The following ARHGEF3 variants were observed in gnomAD, a reference collection of about 807,000 sequenced individuals.
The protein encoded by ARHGEF3 is 59.8 kDA protein.
In ARHGEF3, 28 loss-of-function variants were observed where a neutral mutation model predicts 63.2. The ratio of observed to expected loss-of-function variants is 0.44; its 90% CI spans 0.33 to 0.61. The LOEUF (loss-of-function observed/expected upper bound fraction) is 0.61, where lower values mean the gene tolerates loss of function less well. Among genes scored for constraint, ARHGEF3 ranks in the 20% least tolerant of loss-of-function variants. The probability of loss-of-function intolerance (pLI) is 0.03; values close to 1 mark genes in which losing one functional copy is unlikely to be tolerated. For missense variants in ARHGEF3, 533 were observed against 659.3 expected (o/e 0.81, Z 2.10); for synonymous variants, 266 against 254.2 (o/e 1.05, Z -0.44).
At chr3:57,025,538 T>C (rs1287365146) in intron 2 of ARHGEF3, among the ~76,000 whole-genome samples, 1 of 151,862 alleles carries the variant, frequency 6.6e-6, no homozygotes. Context: ...ATGGTGGGAG[T>C]ATTTACAGAA....
chr3:56,865,780 C>T (rs1337173929), intron 4 of ARHGEF3, among the ~76,000 whole-genome samples: 1 of 152,120 alleles, frequency 6.6e-6, no homozygotes, highest in Non-Finnish European at 1.5e-5. Flanking sequence ...GCAGCACACT[C>T]TACAACCCAG....
intron 3 of ARHGEF3, among the ~76,000 whole-genome samples, chr3:56,926,441 C>T (rs1009595284): frequency 6.6e-6 from 1 of 152,170 alleles, no homozygotes; most frequent in African/African-American, 2.4e-5. Flanking sequence ...TGGCCATGGC[C>T]ATAGAATACA....
At chr3:56,740,054 C>T (rs1001984139) in intron 7 of ARHGEF3, among the ~76,000 whole-genome samples, 13 of 152,046 alleles carry the variant, frequency 8.6e-5, no homozygotes, top group Admixed American at 6.6e-5. Context: ...CACCTGCCAC[C>T]ACGCCCAGCT....
intron 1 of ARHGEF3, among the ~76,000 whole-genome samples, chr3:56,795,867 T>C (rs1414221662): frequency 1.3e-5 from 2 of 151,856 alleles, no homozygotes; most frequent in Non-Finnish European, 2.9e-5. Context: ...CTTGAACCCC[T>C]GACCTCGTGA....
chr3:56,951,532 T>C (rs1699812968), intron 3 of ARHGEF3, among the ~76,000 whole-genome samples: 1 of 152,016 alleles, frequency 6.6e-6, no homozygotes, highest in African/African-American at 2.4e-5. Flanking sequence ...TGTAACTCAC[T>C]TTATTGCCCT....
In ARHGEF3 at chr3:56,862,540, G is replaced by GCC. The variant is rs370383338; in HGVS notation, c.192+19750_192+19751dup. On this transcript the variant is annotated intron_variant, in intron 4 of 12. Transcript: ENST00000338458. ...TCTATGAGGCCAAGGCTGAATCTGG[G>GCC]CCCCCCTCCGCCTGGGAACCCCCAT... 5.4e-3 allele frequency among the ~76,000 whole-genome samples: 818 copies of GCC among 152,208 alleles called. 8 individuals are homozygous for GCC. The highest frequency in any genetic ancestry group is 0.019 in the African/African-American group (780 of 41,518).
intron 3 of ARHGEF3, among the ~76,000 whole-genome samples, chr3:56,754,368 T>C (rs1472038): frequency 0.66 from 99,806 of 152,174 alleles, 34,539 homozygotes; most frequent in East Asian, 0.95. Flanking sequence ...AGGGAAACAG[T>C]GGTCAGGCTT....
At chr3:56,939,629 G>A (rs1219675090) in intron 3 of ARHGEF3, among the ~76,000 whole-genome samples, 1 of 152,074 alleles carries the variant, frequency 6.6e-6, no homozygotes, top group Non-Finnish European at 1.5e-5. Context: ...TTTATGTCTT[G>A]CTGAATAGCT....
At chr3:56,751,518 TC>T in intron 4 of ARHGEF3, 122 bp from the exon 5 acceptor site, 1 of 773,004 alleles carries the variant, frequency 1.3e-6, no homozygotes, top group Non-Finnish European at 2.2e-6. Flanking sequence ...TAACAACTTC[TC>T]CCATAAAGCT....
chr3:56,860,062 AGATAGATC>A (rs2040020535), intron 4 of ARHGEF3, among the ~76,000 whole-genome samples: 1 of 152,046 alleles, frequency 6.6e-6, no homozygotes, highest in Admixed American at 6.6e-5. Context: ...ATAGATAGAT[AGATAGATC>A]GATAGATAGA....
chr3:56,995,680 T>G, intron 2 of ARHGEF3, among the ~76,000 whole-genome samples: 1 of 130,590 alleles, frequency 7.7e-6, no homozygotes, highest in South Asian at 2.3e-4. Context: ...AGAATTTTTT[T>G]TAACCTGGTC....
chr3:56,975,349 T>A (rs1278710100), intron 2 of ARHGEF3, among the ~76,000 whole-genome samples: 1 of 151,602 alleles, frequency 6.6e-6, no homozygotes, highest in African/African-American at 2.4e-5. Flanking sequence ...ACCCAGGAGG[T>A]GGAGGTTGCA....
intron 2 of ARHGEF3, among the ~76,000 whole-genome samples, chr3:56,756,049 C>A (rs1005556659): frequency 2.0e-5 from 3 of 152,228 alleles, no homozygotes; most frequent in Non-Finnish European, 4.4e-5. Context: ...TAAATACCAT[C>A]TTTGCAGCAC....
At position 57,000,459 on chromosome 3, in the gene ARHGEF3, G is replaced by A. The variant is rs568351081; in HGVS notation, c.62+34629C>T. 1.1e-4 allele frequency among the ~76,000 whole-genome samples: 16 copies of A among 151,918 alleles called. No individual in the cohort carries two copies. The East Asian group carries it at 3.1e-3, about 29-fold the overall frequency. ...TCTCCATGTCCTCCCTTTTGATGTG[G>A]TGTCAATCACCCCCATTTGTATTTT... On this transcript the variant is annotated intron_variant, in intron 2 of 12. Coordinates refer to the ARHGEF3 transcript ENST00000338458.
In ARHGEF3 at chr3:56,855,875, C is replaced by T. The variant is rs188823589; in HGVS notation, c.192+26417G>A. Among the ~76,000 whole-genome samples the T allele has an allele frequency of 2.6e-4, 39 of 152,270 alleles. No individual in the cohort carries two copies. In the East Asian group the frequency reaches 4.6e-3, roughly 18 times the overall value. On this transcript the variant is annotated intron_variant, in intron 4 of 12. Transcript: ENST00000338458. ...ACAGTTACCGTCAGAAAAGGCATTC[C>T]AAATACTTACGCTTAACCCTAAAAT...
At chr3:56,968,053 A>ATATGT (rs1700676757) in intron 2 of ARHGEF3, among the ~76,000 whole-genome samples, 1 of 47,080 alleles carries the variant, frequency 2.1e-5, no homozygotes, top group Non-Finnish European at 3.7e-5. Flanking sequence ...AATATATATA[A>ATATGT]TATATATAAT....
chr3:57,025,624 T>C (rs1022732875), intron 2 of ARHGEF3, among the ~76,000 whole-genome samples: 13 of 152,204 alleles, frequency 8.5e-5, no homozygotes, highest in African/African-American at 3.1e-4. Flanking sequence ...AACCCTGTCC[T>C]AAAGCCAGAC....
chr3:56,998,275 A>G (rs1002397352), intron 2 of ARHGEF3, among the ~76,000 whole-genome samples: 3 of 152,212 alleles, frequency 2.0e-5, no homozygotes, highest in African/African-American at 7.2e-5. Flanking sequence ...TCAAACAGAA[A>G]GAGGCCCTCC....
At position 56,965,208 on chromosome 3, in the gene ARHGEF3, T is replaced by TA. The variant is rs1365434074; in HGVS notation, c.63-6320dup. On this transcript the variant is annotated intron_variant, in intron 2 of 12. Transcript: ENST00000338458. The stretch of plus-strand genomic sequence containing the variant: ...AGTTCAAGGCTGCAGTCAGGGATGA[T>TA]AATGTCACTGCACTCTAGTCTGGGC... 4.6e-5 allele frequency among the ~76,000 whole-genome samples: 7 copies of TA among 152,312 alleles called. No individual in the cohort carries two copies. In the East Asian group the frequency reaches 9.7e-4, roughly 21 times the overall value.
Sources: allele counts gnomAD v4.1 joint callset (sites outside exome capture counted in the v4.1 genomes callset), GRCh38; gene constraint gnomAD v4.1.1; transcripts MANE v1.5; gene names NCBI Gene and HGNC (gene_info 2026-07-23, HGNC 2026-07-21).